DCDC2: variants seen among roughly 807,000 people sequenced by gnomAD.
DCDC2 encodes doublecortin domain containing 2.
Under a neutral mutation model 50.2 loss-of-function variants are expected in DCDC2, and 40 were observed. The observed-to-expected ratio is 0.80, with a 90% CI of 0.62 to 1.04. The LOEUF (loss-of-function observed/expected upper bound fraction) is 1.04, where lower values mean the gene tolerates loss of function less well. Ranked by LOEUF, DCDC2 falls within the 50% of genes least tolerant of loss-of-function variation. The pLI, the probability that DCDC2 is intolerant of heterozygous loss-of-function variation, is 0.00. For synonymous variants in DCDC2, 234 were observed against 210.6 expected (o/e 1.11, Z -0.96); for missense variants, 570 against 581.9 (o/e 0.98, Z 0.21).
intron 4 of DCDC2, among the ~76,000 whole-genome samples, chr6:24,298,603 C>G (rs1208352219): frequency 6.6e-6 from 1 of 152,142 alleles, no homozygotes; most frequent in Non-Finnish European, 1.5e-5. Context: ...CTCATAGGGT[C>G]GCTCAGTTAA....
intron 8 of DCDC2, among the ~76,000 whole-genome samples, chr6:24,200,225 G>A (rs1467465151): frequency 6.6e-6 from 1 of 152,134 alleles, no homozygotes; most frequent in Non-Finnish European, 1.5e-5. Flanking sequence ...CACCAAGGTT[G>A]AAATGAAGGA....
chr6:24,356,707 T>A (rs937039601), intron 1 of DCDC2, among the ~76,000 whole-genome samples: 2 of 152,228 alleles, frequency 1.3e-5, no homozygotes, highest in Non-Finnish European at 2.9e-5. Flanking sequence ...GTAGTCCAGT[T>A]AGACTGAAAG....
intron 7 of DCDC2, among the ~76,000 whole-genome samples, chr6:24,220,911 T>TGAGCGAGAGAGTGAGC (rs1459047986): frequency 7.2e-5 from 9 of 125,294 alleles, no homozygotes; most frequent in African/African-American, 2.2e-4. Flanking sequence ...AGCGAGAGAG[T>TGAGCGAGAGAGTGAGC]GAGCGAGCGA....
rs1435774307 is a variant in DCDC2, at chr6:24,173,882, T to A, written c.*848A>T. 1.3e-5 allele frequency: 2 copies of A among 152,264 alleles called. No homozygotes were observed. The highest frequency in any genetic ancestry group is 1.5e-5 in the Non-Finnish European group (1 of 68,056). The allele number at this position is 152,264 out of a possible 1,614,324, so 9.4% of individuals were successfully genotyped here. ...TGAAAACTATTTGAAAATAATTTAA[T>A]CTTTGGAATAGCCAATATCAGGTTC... On this transcript the variant is annotated 3_prime_UTR_variant, in exon 10 of 10. Coordinates refer to ENST00000378454, the MANE Select transcript of DCDC2 (RefSeq NM_016356.5).
chr6:24,330,205 G>C (rs893124853), intron 2 of DCDC2, among the ~76,000 whole-genome samples: 10 of 152,106 alleles, frequency 6.6e-5, no homozygotes, highest in Non-Finnish European at 1.5e-4. Flanking sequence ...ATCCCTCCTG[G>C]TATTACTTTC....
chr6:24,245,444 C>T (rs1054420275), intron 7 of DCDC2, among the ~76,000 whole-genome samples: 2 of 152,116 alleles, frequency 1.3e-5, no homozygotes, highest in Admixed American at 1.3e-4. Context: ...TTTGAGAAAT[C>T]AAAACTTCAA....
intron 7 of DCDC2, among the ~76,000 whole-genome samples, chr6:24,243,233 A>G (rs1762601903): frequency 6.6e-6 from 1 of 152,206 alleles, no homozygotes; most frequent in Non-Finnish European, 1.5e-5. Context: ...GCTTACAAAC[A>G]TGTTGTCTGG....
At chr6:24,201,094 A>C (rs1449640477) in intron 8 of DCDC2, among the ~76,000 whole-genome samples, 1 of 103,270 alleles carries the variant, frequency 9.7e-6, no homozygotes, top group African/African-American at 4.3e-5. Context: ...AAGACAGATC[A>C]ACGAGACAGA....
intron 7 of DCDC2, among the ~76,000 whole-genome samples, chr6:24,234,684 G>C (rs183492094): frequency 1.3e-5 from 2 of 152,296 alleles, no homozygotes; most frequent in African/African-American, 4.8e-5. Context: ...ATTGTGTCTA[G>C]ATTTCAGGCA....
intron 2 of DCDC2, among the ~76,000 whole-genome samples, chr6:24,327,677 G>A (rs1480334048): frequency 6.6e-6 from 1 of 151,828 alleles, no homozygotes; most frequent in Non-Finnish European, 1.5e-5. Flanking sequence ...TTTCACCATG[G>A]CAGCCAGGCT....
intron 2 of DCDC2, among the ~76,000 whole-genome samples, chr6:24,311,470 C>A (rs1028995240): frequency 1.3e-5 from 2 of 152,064 alleles, no homozygotes. Context: ...ATTAGGACAC[C>A]AATTTTTGAG....
intron 7 of DCDC2, among the ~76,000 whole-genome samples, chr6:24,245,699 G>A (rs1762655311): frequency 6.6e-6 from 1 of 152,188 alleles, no homozygotes; most frequent in Non-Finnish European, 1.5e-5. Context: ...ACACAACAAA[G>A]AGAATTAGCA....
chr6:24,253,687 T>TAA (rs373891663), intron 7 of DCDC2, among the ~76,000 whole-genome samples: 1 of 150,818 alleles, frequency 6.6e-6, no homozygotes, highest in African/African-American at 2.4e-5. Flanking sequence ...AAAAGTACAG[T>TAA]AAAAAAAAAT....
intron 8 of DCDC2, among the ~76,000 whole-genome samples, chr6:24,198,581 T>C (rs1320858410): frequency 6.6e-6 from 1 of 151,980 alleles, no homozygotes; most frequent in East Asian, 1.9e-4. Flanking sequence ...TGGGCAGCCA[T>C]TTTGGGCAGA....
At chr6:24,380,426 C>G in the DCDC2 span, among the ~76,000 whole-genome samples, 1 of 152,062 alleles carries the variant, frequency 6.6e-6, no homozygotes, top group Admixed American at 6.6e-5. Flanking sequence ...TTAAAGTGGA[C>G]TGAAGATGAA....
At position 24,356,690 on chromosome 6, in the gene DCDC2, T is replaced by A. The variant is rs139414119; in HGVS notation, c.293+768A>T. Among the ~76,000 whole-genome samples the A allele has an allele frequency of 7.2e-3, 1,093 of 152,308 alleles. 13 individuals are homozygous for A. The highest frequency in any genetic ancestry group is 0.024 in the African/African-American group (1,007 of 41,570). On this transcript the variant is annotated intron_variant, in intron 1 of 9. Transcript: ENST00000378454. ...TTGTAGCTTGCATTAAAATTGTTAG[T>A]GTGCAGGTAGTCCAGTTAGACTGAA...
chr6:24,326,209 A>G lies in DCDC2; in HGVS notation c.349-24165T>C, dbSNP rs554669908. 9.2e-5 allele frequency among the ~76,000 whole-genome samples: 13 copies of G among 141,398 alleles called. 1 individual carries two copies. The South Asian group carries it at 2.3e-3, about 25-fold the overall frequency. The allele number at this position is 141,398 out of a possible 152,430, so 92.8% of individuals were successfully genotyped here. On this transcript the variant is annotated intron_variant, in intron 2 of 9. Transcript: ENST00000378454. Reference sequence around the variant, plus strand: ...AGGAAGGAAGAAAGGAAGGAAGGAAAGAATGAAGGAAGGAAGGAAGGAAGG... The same window carrying G: ...AGGAAGGAAGAAAGGAAGGAAGGAAGGAATGAAGGAAGGAAGGAAGGAAGG...
chr6:24,300,883 C>A (rs188044946), intron 4 of DCDC2, among the ~76,000 whole-genome samples: 52 of 152,254 alleles, frequency 3.4e-4, no homozygotes, highest in Admixed American at 1.6e-3. Flanking sequence ...TGTTAATCTT[C>A]ACTTAAATGT....
intron 7 of DCDC2, among the ~76,000 whole-genome samples, chr6:24,209,060 A>C (rs1289625724): frequency 1.3e-5 from 2 of 152,368 alleles, no homozygotes; most frequent in Middle Eastern, 3.4e-3. Flanking sequence ...AGGCCAAAAT[A>C]CAATGGAAAA....
Sources: gnomAD v4.1 joint callset for allele counts (sites outside exome capture counted in the v4.1 genomes callset) on GRCh38, gnomAD v4.1.1 for gene constraint, MANE v1.5 for transcripts, NCBI Gene and HGNC (gene_info 2026-07-23, HGNC 2026-07-21) for gene names.